Variants in KCND3 observed in about 807,000 individuals in gnomAD.
KCND3 encodes the protein A-type voltage-gated potassium channel KCND3.
In KCND3, 9 loss-of-function variants were observed where a neutral mutation model predicts 51.1. That is an observed-to-expected ratio of 0.18 (90% CI 0.11 to 0.31). The LOEUF is 0.31. Among genes scored for constraint, KCND3 ranks in the 10% least tolerant of loss-of-function variants. The pLI, the probability that KCND3 is intolerant of heterozygous loss-of-function variation, is 1.00. For synonymous variants in KCND3, 349 were observed against 368.0 expected, an observed-to-expected ratio of 0.95 and a Z score of 0.59; for missense variants, 526 against 903.8, an observed-to-expected ratio of 0.58 and a Z score of 5.36.
rs922129026 is a variant in KCND3 at position 111,839,393 on chromosome 1, T to C, written c.1107-52287A>G. On this transcript the variant is annotated intron_variant, in intron 2 of 7. Transcript: ENST00000302127. ...CCAGTTCTCCACACAGGTAGGTATG[T>C]TGTATTCCTTCCTGCCCTTCAGCAT... Among the ~76,000 whole-genome samples the C allele has an allele frequency of 2.6e-5, 4 of 152,270 alleles. No homozygotes were observed. The East Asian group carries it at 5.8e-4, about 22-fold the overall frequency.
At chr1:111,832,740 C>T (rs6697187) in intron 2 of KCND3, among the ~76,000 whole-genome samples, 7,542 of 152,126 alleles carry the variant, frequency 0.05, 620 homozygotes, top group African/African-American at 0.17. Context: ...CCGAAGATAA[C>T]GAGGCTGAAG....
chr1:111,871,730 G>C (rs924726513), intron 2 of KCND3, among the ~76,000 whole-genome samples: 1 of 151,880 alleles, frequency 6.6e-6, no homozygotes, highest in Non-Finnish European at 1.5e-5. Context: ...AGAGTGTTGA[G>C]AAAGAGCAAA....
chr1:111,801,746 C>T (rs1055718815), intron 2 of KCND3, among the ~76,000 whole-genome samples: 10 of 152,242 alleles, frequency 6.6e-5, no homozygotes, highest in Non-Finnish European at 1.3e-4. Context: ...TGGCATTCCC[C>T]ACGCTGTGCT....
intron 2 of KCND3, among the ~76,000 whole-genome samples, chr1:111,905,467 A>G (rs1406091342): frequency 1.3e-5 from 2 of 152,226 alleles, no homozygotes; most frequent in African/African-American, 4.8e-5. Flanking sequence ...GATGCACTCA[A>G]GTTTTCCAGC....
chr1:111,822,383 C>T (rs1015504987), intron 2 of KCND3, among the ~76,000 whole-genome samples: 17 of 152,132 alleles, frequency 1.1e-4, no homozygotes, highest in African/African-American at 3.1e-4. Context: ...CTTCTTGCCC[C>T]GCCGGTAACC....
At chr1:111,803,722 A>C (rs1665430501) in intron 2 of KCND3, among the ~76,000 whole-genome samples, 1 of 152,162 alleles carries the variant, frequency 6.6e-6, no homozygotes, top group Admixed American at 6.5e-5. Flanking sequence ...TAGGATGTGC[A>C]GTGTGCTGAA....
chr1:111,774,417 C>T lies in KCND3; in HGVS notation c.*1660G>A, dbSNP rs1664027582. 2 of 152,216 alleles carry T rather than the reference C, an allele frequency of 1.3e-5. No homozygotes were observed. Among genetic ancestry groups the T allele is most frequent in the Admixed American group, 6.5e-5 (1 of 15,284 alleles). 9.4% of individuals were successfully genotyped at this position (152,216 alleles called of 1,614,324 possible). On this transcript the variant is annotated 3_prime_UTR_variant, in exon 8 of 8. Transcript: ENST00000302127. ...GGGCAGGAAAGGACTTGTCACTAAC[C>T]CTGAGGCCCACCTACTCTGCTACAA...
At chr1:111,865,543 GT>G (rs1268527460) in intron 2 of KCND3, among the ~76,000 whole-genome samples, 1 of 152,142 alleles carries the variant, frequency 6.6e-6, no homozygotes, top group Non-Finnish European at 1.5e-5. Context: ...AGTTTTTTGT[GT>G]TTCTATAAAT....
At chr1:111,848,155 T>G (rs1182686331) in intron 2 of KCND3, among the ~76,000 whole-genome samples, 5 of 152,140 alleles carry the variant, frequency 3.3e-5, no homozygotes, top group African/African-American at 9.7e-5. Flanking sequence ...GGCCCACTCC[T>G]CAGCCACGCG....
At position 111,849,592 on chromosome 1, in the gene KCND3, G is replaced by A. The variant is rs542144778; in HGVS notation, c.1107-62486C>T. 5.3e-5 allele frequency among the ~76,000 whole-genome samples: 8 copies of A among 152,330 alleles called. No homozygotes were observed. In the East Asian group the frequency reaches 1.2e-3, roughly 22 times the overall value. On this transcript the variant is annotated intron_variant, in intron 2 of 7. Coordinates refer to ENST00000302127, the MANE Select transcript of KCND3 (RefSeq NM_001378969.1). The stretch of plus-strand genomic sequence containing the variant: ...ATCCCATTTCTAGATGGGGGAAGCC[G>A]AGGAGTCCAGGTAGCAGCTCGGCTT...
In KCND3 at chr1:111,882,757, G is replaced by A. The variant is rs541122462; in HGVS notation, c.1107-95651C>T. Among the ~76,000 whole-genome samples the A allele has an allele frequency of 1.1e-4, 17 of 152,278 alleles. No individual in the cohort carries two copies. In the East Asian group the frequency reaches 3.3e-3, roughly 29 times the overall value. On this transcript the variant is annotated intron_variant, in intron 2 of 7. Coordinates refer to ENST00000302127, the MANE Select transcript of KCND3 (RefSeq NM_001378969.1). Reference sequence around the variant, plus strand: ...CTCCAAACAGGGACTGGGGGTGGGAGCCGCAGCTGTCATAGAGAGGCTGGG... The same window carrying A: ...CTCCAAACAGGGACTGGGGGTGGGAACCGCAGCTGTCATAGAGAGGCTGGG...
At position 111,774,796 on chromosome 1, in the gene KCND3, C is replaced by T. The variant is rs1664042678; in HGVS notation, c.*1281G>A. On this transcript the variant is annotated 3_prime_UTR_variant, in exon 8 of 8. Coordinates refer to ENST00000302127, the MANE Select transcript of KCND3 (RefSeq NM_001378969.1). ...AGGAATCTTGGTCCCCGTACCACTGCCCTCTCTGGAGAAAACTACTCCCGG... is the reference window on the plus strand; with the variant it reads ...AGGAATCTTGGTCCCCGTACCACTGTCCTCTCTGGAGAAAACTACTCCCGG... 6.6e-6 allele frequency: 1 copy of T among 152,242 alleles called. No homozygotes were observed. The highest frequency in any genetic ancestry group is 2.1e-4 in the South Asian group (1 of 4,830). 9.4% of individuals were successfully genotyped at this position (152,242 alleles called of 1,614,324 possible).
At chr1:111,905,810 G>A (rs1337214907) in intron 2 of KCND3, among the ~76,000 whole-genome samples, 1 of 152,200 alleles carries the variant, frequency 6.6e-6, no homozygotes, top group Non-Finnish European at 1.5e-5. Context: ...GCCCTTTCAA[G>A]TAGAATCCTT....
intron 2 of KCND3, among the ~76,000 whole-genome samples, chr1:111,951,373 C>A (rs868089365): frequency 2.6e-5 from 4 of 152,038 alleles, no homozygotes; most frequent in African/African-American, 9.7e-5. Flanking sequence ...TCTGGCTGCC[C>A]CCTCCTGTTC....
chr1:111,799,649 T>C (rs1237698635), intron 2 of KCND3, among the ~76,000 whole-genome samples: 1 of 152,176 alleles, frequency 6.6e-6, no homozygotes, highest in African/African-American at 2.4e-5. Flanking sequence ...ACCAGCCCTG[T>C]CACCAAAAGA....
At chr1:111,884,210 C>G (rs987636277) in intron 2 of KCND3, among the ~76,000 whole-genome samples, 1 of 152,156 alleles carries the variant, frequency 6.6e-6, no homozygotes, top group Non-Finnish European at 1.5e-5. Flanking sequence ...CTGTGAACAC[C>G]AACAACTCCT....
chr1:111,892,267 G>T (rs1669867418), intron 2 of KCND3, among the ~76,000 whole-genome samples: 1 of 152,132 alleles, frequency 6.6e-6, no homozygotes, highest in Non-Finnish European at 1.5e-5. Flanking sequence ...AAGCCTGCCT[G>T]GTCACTCAGC....
chr1:111,809,642 AC>A (rs1362635153), intron 2 of KCND3, among the ~76,000 whole-genome samples: 5 of 150,348 alleles, frequency 3.3e-5, no homozygotes, highest in African/African-American at 1.2e-4. Flanking sequence ...AAAAATTGTC[AC>A]ATTTCCCGTG....
At chr1:111,931,196 C>G (rs1262813688) in intron 2 of KCND3, among the ~76,000 whole-genome samples, 1 of 152,158 alleles carries the variant, frequency 6.6e-6, no homozygotes, top group African/African-American at 2.4e-5. Context: ...ACTTAAGAGA[C>G]TGGCTATCTA....
Sources: gnomAD v4.1 joint callset for allele counts (sites outside exome capture counted in the v4.1 genomes callset) on GRCh38, gnomAD v4.1.1 for gene constraint, MANE v1.5 for transcripts, NCBI Gene and HGNC (gene_info 2026-07-23, HGNC 2026-07-21) for gene names.